Variants in IFNAR1 observed in about 807,000 individuals in gnomAD.
IFNAR1 encodes the protein interferon alpha and beta receptor subunit 1.
IFNAR1 carries 47 observed loss-of-function variants against 62.1 expected under a neutral mutation model. That is an observed-to-expected ratio of 0.76 (90% confidence interval 0.60 to 0.97). The LOEUF (loss-of-function observed/expected upper bound fraction) is 0.97, where lower values mean the gene tolerates loss of function less well. Among genes scored for constraint, IFNAR1 ranks in the 50% least tolerant of loss-of-function variants. IFNAR1 has a pLI of 0.00. For missense variants in IFNAR1, 638 were observed against 654.5 expected, an observed-to-expected ratio of 0.97 and a Z score of 0.27; for synonymous variants, 219 against 226.9, an observed-to-expected ratio of 0.97 and a Z score of 0.31.
At chr21:33,345,881 G>A (rs969692661) in intron 6 of IFNAR1, among the ~76,000 whole-genome samples, 1 of 152,234 alleles carries the variant, frequency 6.6e-6, no homozygotes, top group Non-Finnish European at 1.5e-5. Context: ...ATGTGGTTGA[G>A]CAGAGGCTAG....
In IFNAR1 at chr21:33,341,168, C is replaced by T. The variant is rs142890975; in HGVS notation, c.370C>T (p.Arg124Cys). The part of the protein sequence containing the change: ...WYEVDSFTPF[R>C]KAQIGPPEVH... ...TGAGGTTGACTCATTTACACCATTTCGCAAAGGTAAGAAAAAGTTGCTAGC... is the reference window on the plus strand; with the variant it reads ...TGAGGTTGACTCATTTACACCATTTTGCAAAGGTAAGAAAAAGTTGCTAGC... Residue 124 changes from arginine to cysteine, a missense_variant, in exon 3 of 11, where the codon CGC (arginine) becomes TGC (cysteine). Transcript: ENST00000270139. The T allele has an allele frequency of 2.0e-3, 3,190 of 1,604,426 alleles. 6 individuals carry two copies. The highest frequency in any genetic ancestry group is 2.5e-3 in the Non-Finnish European group (2,975 of 1,175,286).
At chr21:33,334,253 C>G (rs571412965) in intron 1 of IFNAR1, among the ~76,000 whole-genome samples, 1 of 152,130 alleles carries the variant, frequency 6.6e-6, no homozygotes, top group African/African-American at 2.4e-5. Context: ...GCACCCCACT[C>G]TCAGCTTCGG....
In IFNAR1 at chr21:33,357,530, G is replaced by GTTTTTTTTTTTTT. The variant is rs36125058; in HGVS notation, c.*1984_*1996dup. The GTTTTTTTTTTTTT allele has an allele frequency of 3.2e-4, 45 of 139,662 alleles. 1 individual carries two copies. Among genetic ancestry groups the GTTTTTTTTTTTTT allele is most frequent in the Middle Eastern group, 3.6e-3 (1 of 276 alleles). 8.7% of individuals were successfully genotyped at this position (139,662 alleles called of 1,614,324 possible). On this transcript the variant is annotated 3_prime_UTR_variant, in exon 11 of 11. Transcript: ENST00000270139. ...ATTTTCATCTTTCTGACCAGAGGCTGTTTTTTTTTTTTTTTGAGACAGTCT... is the reference window on the plus strand; with the variant it reads ...ATTTTCATCTTTCTGACCAGAGGCTGTTTTTTTTTTTTTTTTTTTTTTTTTTTTGAGACAGTCT...
rs59240203 is a variant in IFNAR1, at chr21:33,333,614, A to ATTTTTTTTTTTTTTTTTTTTTTTTTT, written c.77-1899_77-1898insTTTTTTTTTTTTTTTTTTTTTTTTTT. ...CCATACTTAAAGAGACTGGCGGAAT[A>ATTTTTTTTTTTTTTTTTTTTTTTTTT]TTTTTTTTTTTCTTTTTTTTTTTTT... On this transcript the variant is annotated intron_variant, in intron 1 of 10. Coordinates refer to ENST00000270139, the MANE Select transcript of IFNAR1 (RefSeq NM_000629.3). Among the ~76,000 whole-genome samples, 56 of 106,982 alleles carry ATTTTTTTTTTTTTTTTTTTTTTTTTT rather than the reference A, an allele frequency of 5.2e-4. 10 individuals are homozygous for ATTTTTTTTTTTTTTTTTTTTTTTTTT. The highest frequency in any genetic ancestry group is 1.8e-3 in the African/African-American group (44 of 24,420). The allele number at this position is 106,982 out of a possible 152,430, so 70.2% of individuals were successfully genotyped here. A position where few individuals can be genotyped will look rare whatever the true frequency, so the allele number is the denominator to read the frequency against.
intron 8 of IFNAR1, 95 bp from the exon 9 acceptor site, chr21:33,352,663 C>T: frequency 1.6e-6 from 1 of 628,668 alleles, no homozygotes; most frequent in Non-Finnish European, 2.8e-6. Flanking sequence ...TGGGAGAGGC[C>T]AATGTTAGAC....
rs1227854358 is a variant in IFNAR1, at chr21:33,325,110, T to G, written c.55T>G (p.Trp19Gly). 5.0e-6 allele frequency: 8 copies of G among 1,611,444 alleles called. No individual in the cohort carries two copies. The highest frequency in any genetic ancestry group is 6.8e-6 in the Non-Finnish European group (8 of 1,179,542). The change falls in exon 1 of 11, where the codon TGG becomes GGG. Residue 19 changes from tryptophan (W) to glycine (G), a missense_variant. Trp to Gly is a radical substitution (Grantham distance 184, BLOSUM62 -2). Transcript: ENST00000270139. ...CCTAGTGCTCGTCGCCGTGGCGCCA[T>G]GGGTGTTGTCCGCAGCCGCAGGTGA... ...TTLVLVAVAP[W>G]VLSAAAGGKN...
intron 1 of IFNAR1, chr21:33,334,747 G>A (rs1203266108): frequency 3.8e-6 from 3 of 789,894 alleles, no homozygotes; most frequent in Non-Finnish European, 6.8e-6. Flanking sequence ...TGATCCAGGT[G>A]TGTGAGGGGC....
rs1465456121 is a variant in IFNAR1, at chr21:33,355,446, A to C, written c.1571A>C (p.His524Pro). The change falls in exon 11 of 11, where the codon CAT becomes CCT. Residue 524 changes from histidine (H) to proline (P), a missense_variant. His to Pro is a moderately conservative substitution (Grantham distance 77). Coordinates refer to ENST00000270139, the MANE Select transcript of IFNAR1 (RefSeq NM_000629.3). ...GAAACTAATCAAACTGATGAAGATCATAAAAAATACAGTTCCCAAACTAGC... is the reference window on the plus strand; with the variant it reads ...GAAACTAATCAAACTGATGAAGATCCTAAAAAATACAGTTCCCAAACTAGC... Reference protein sequence around the residue: ...VEETNQTDEDHKKYSSQTSQD... With the variant: ...VEETNQTDEDPKKYSSQTSQD... 2.5e-6 allele frequency: 4 copies of C among 1,604,072 alleles called. No homozygotes were observed. In the East Asian group the frequency reaches 8.9e-5, roughly 36 times the overall value.
chr21:33,325,051 C>T lies in IFNAR1; in HGVS notation c.-5C>T, dbSNP rs774934833. On this transcript the variant is annotated 5_prime_UTR_variant, in exon 1 of 11. Coordinates refer to ENST00000270139, the MANE Select transcript of IFNAR1 (RefSeq NM_000629.3). ...GTAACTGGTGGGATCTGCGGCGGCT[C>T]CCAGATGATGGTCGTCCTCCTGGGC... The T allele has an allele frequency of 1.6e-5, 25 of 1,598,186 alleles. No individual in the cohort carries two copies. The highest frequency in any genetic ancestry group is 2.1e-5 in the Non-Finnish European group (25 of 1,173,808).
rs940370694 is a variant in IFNAR1, at chr21:33,334,800, A to G, written c.77-724A>G. On this transcript the variant is annotated intron_variant, in intron 1 of 10. Transcript: ENST00000270139. Reference sequence around the variant, plus strand: ...GAGGGCACTGGTGCCATCAGTGGCTATCCTACCACTCAATTCATGACCCAG... The same window carrying G: ...GAGGGCACTGGTGCCATCAGTGGCTGTCCTACCACTCAATTCATGACCCAG... 18 of 826,906 alleles carry G rather than the reference A, an allele frequency of 2.2e-5. No individual in the cohort carries two copies. The African/African-American group carries it at 2.5e-4, about 12-fold the overall frequency. 51.2% of individuals were successfully genotyped at this position (826,906 alleles called of 1,614,324 possible).
intron 1 of IFNAR1, among the ~76,000 whole-genome samples, chr21:33,327,622 GGC>G (rs2083138897): frequency 6.6e-6 from 1 of 152,080 alleles, no homozygotes; most frequent in South Asian, 2.1e-4. Context: ...GTATGTTAAG[GGC>G]CTAATTATCA....
Position 33,337,284 on chromosome 21 carries a change from C to G in IFNAR1, c.200+1637C>G, listed in dbSNP as rs148516719. On this transcript the variant is annotated intron_variant, in intron 2 of 10. Transcript: ENST00000270139. ...ATATTGGACCTTGCATTTCTAAAGA[C>G]TCAGTTTTTCTGGAGTGTTGATGTC... is the stretch of plus-strand genomic sequence containing the variant. 2.0e-3 allele frequency among the ~76,000 whole-genome samples: 307 copies of G among 152,002 alleles called. 1 individual carries two copies. Among genetic ancestry groups the G allele is most frequent in the African/African-American group, 6.9e-3 (288 of 41,474 alleles).
chr21:33,334,548 G>T, intron 1 of IFNAR1: 1 of 497,144 alleles, frequency 2.0e-6, no homozygotes, highest in African/African-American at 1.9e-5. Context: ...GTTCATTACC[G>T]CTAGAACTGC....
At chr21:33,348,542 A>G (rs1412038806) in intron 6 of IFNAR1, among the ~76,000 whole-genome samples, 1 of 152,194 alleles carries the variant, frequency 6.6e-6, no homozygotes, top group Non-Finnish European at 1.5e-5. Flanking sequence ...TTTTTCTTTA[A>G]AAACCAGTTT....
intron 1 of IFNAR1, among the ~76,000 whole-genome samples, chr21:33,329,490 C>G (rs1220803304): frequency 5.3e-5 from 8 of 151,808 alleles, no homozygotes; most frequent in Non-Finnish European, 2.9e-5. Context: ...AAAGTGTTTT[C>G]TCAGCTGTCT....
At chr21:33,337,212 C>T (rs1479183444) in intron 2 of IFNAR1, among the ~76,000 whole-genome samples, 6 of 151,872 alleles carry the variant, frequency 4.0e-5, no homozygotes, top group Non-Finnish European at 8.8e-5. Context: ...GACAGCAAGA[C>T]TCCATCTCAA....
upstream of IFNAR1, chr21:33,324,771 T>G: frequency 1.7e-5 from 8 of 482,828 alleles, no homozygotes; most frequent in East Asian, 3.5e-5. Flanking sequence ...AGGCCTGCGA[T>G]TTCTAAGGCG....
chr21:33,333,540 G>A (rs192639036), intron 1 of IFNAR1, among the ~76,000 whole-genome samples: 6 of 150,508 alleles, frequency 4.0e-5, no homozygotes, highest in East Asian at 1.9e-4. Context: ...AATGACAAAT[G>A]TAAGGGCTCA....
chr21:33,324,805 T>G, upstream of IFNAR1: 1 of 524,662 alleles, frequency 1.9e-6, no homozygotes, highest in South Asian at 2.6e-5. Flanking sequence ...GTGCTGCAAT[T>G]AGGATGGGGC....
Sources: allele counts gnomAD v4.1 joint callset (sites outside exome capture counted in the v4.1 genomes callset), GRCh38; gene constraint gnomAD v4.1.1; transcripts MANE v1.5; gene names NCBI Gene and HGNC (gene_info 2026-07-23, HGNC 2026-07-21).